The following GLDC variants were observed in gnomAD, a reference collection of about 807,000 sequenced individuals.
GLDC encodes the protein glycine dehydrogenase (decarboxylating), mitochondrial.
In GLDC, 104 loss-of-function variants were observed where a neutral mutation model predicts 121.3. That is an observed-to-expected ratio of 0.86 (90% CI 0.73 to 1.01). The LOEUF (loss-of-function observed/expected upper bound fraction) is 1.01. Among genes scored for constraint, GLDC ranks in the 50% least tolerant of loss-of-function variants. The pLI, the probability that GLDC is intolerant of heterozygous loss-of-function variation, is 0.00. For missense variants in GLDC, 1,429 were observed against 1,306.6 expected (o/e 1.09, Z -1.44); for synonymous variants, 546 against 480.6 (o/e 1.14, Z -1.78).
intron 15 of GLDC, among the ~76,000 whole-genome samples, chr9:6,577,349 G>A (rs538615092): frequency 1.3e-5 from 2 of 152,330 alleles, no homozygotes; most frequent in African/African-American, 2.4e-5. Flanking sequence ...TAGAGGTGCC[G>A]CTAGGGCAGA....
intron 2 of GLDC, among the ~76,000 whole-genome samples, chr9:6,643,707 CA>C (rs1819673942): frequency 1.3e-5 from 2 of 151,912 alleles, no homozygotes; most frequent in Admixed American, 1.3e-4. Context: ...CTTTCTTAAA[CA>C]AATGTAAATC....
At chr9:6,534,279 T>C (rs1817069059) in intron 24 of GLDC, 1 of 192,912 alleles carries the variant, frequency 5.2e-6, no homozygotes, top group Admixed American at 5.3e-5. Flanking sequence ...TATGTTTTTA[T>C]ACTATTACTG....
chr9:6,566,390 G>A (rs2129761957), intron 15 of GLDC: 1 of 152,216 alleles, frequency 6.6e-6, no homozygotes, highest in East Asian at 1.9e-4. Context: ...CACCTATGAG[G>A]TGAAAACAAA....
intron 11 of GLDC, 130 bp downstream of exon 11, chr9:6,592,013 T>C (rs771418069): frequency 8.4e-6 from 6 of 713,096 alleles, no homozygotes; most frequent in Admixed American, 2.0e-5. Flanking sequence ...GGATAGTCAG[T>C]GGAATAATTT....
chr9:6,550,502 G>A (rs982814145), intron 21 of GLDC, among the ~76,000 whole-genome samples: 2 of 151,986 alleles, frequency 1.3e-5, no homozygotes, highest in Admixed American at 6.6e-5. Flanking sequence ...TGGTGCACAC[G>A]TGTAGTCCCA....
chr9:6,581,833 C>G (rs567558652), intron 15 of GLDC, among the ~76,000 whole-genome samples: 1 of 152,108 alleles, frequency 6.6e-6, no homozygotes, highest in Non-Finnish European at 1.5e-5. Flanking sequence ...TTTAGAGTTG[C>G]CTTTGTGCAT....
In GLDC at chr9:6,605,293, AAC is replaced by A; in HGVS notation, c.714-17_714-16del. On this transcript the variant is annotated splice_polypyrimidine_tract_variant and intron_variant, in intron 5 of 24. Transcript: ENST00000321612. ...CTCCAGTATATCTGGAAAGACAGAC[AAC>A]AAAGAACAATCGTGCTTTCGGTTTA... 2 of 1,612,926 alleles carry A rather than the reference AAC, an allele frequency of 1.2e-6. No individual in the cohort carries two copies. The highest frequency in any genetic ancestry group is 1.7e-6 in the Non-Finnish European group (2 of 1,179,100).
intron 15 of GLDC, chr9:6,569,434 A>C (rs1817911295): frequency 6.6e-6 from 1 of 152,160 alleles, no homozygotes; most frequent in Admixed American, 6.6e-5. Context: ...TGGGTGGATC[A>C]CAAGGTCAGG....
chr9:6,561,552 G>C (rs1286507746), intron 16 of GLDC, among the ~76,000 whole-genome samples: 1 of 152,162 alleles, frequency 6.6e-6, no homozygotes, highest in East Asian at 1.9e-4. Flanking sequence ...GGGAGGCTGA[G>C]GCATGAGAAT....
chr9:6,638,104 C>T (rs1294273490), intron 2 of GLDC, among the ~76,000 whole-genome samples: 3 of 152,106 alleles, frequency 2.0e-5, no homozygotes, highest in Non-Finnish European at 4.4e-5. Context: ...CAGGGATGAT[C>T]CCGCAACAAC....
At chr9:6,543,536 G>T (rs1317382533) in intron 21 of GLDC, among the ~76,000 whole-genome samples, 2 of 152,154 alleles carry the variant, frequency 1.3e-5, no homozygotes, top group Non-Finnish European at 2.9e-5. Context: ...ATAGCCAAGA[G>T]GTTTAGGAAG....
At chr9:6,554,959 C>A in intron 18 of GLDC, 178 bp from the exon 19 acceptor site, 2 of 670,650 alleles carry the variant, frequency 3.0e-6, no homozygotes, top group Non-Finnish European at 5.5e-6. Context: ...CACAAACTGG[C>A]ATCCGATAGG....
At chr9:6,585,406 A>G (rs1300642327) in intron 15 of GLDC, among the ~76,000 whole-genome samples, 2 of 152,160 alleles carry the variant, frequency 1.3e-5, no homozygotes, top group Non-Finnish European at 2.9e-5. Flanking sequence ...TGTCTCTTAA[A>G]ACAAAACAAA....
intron 2 of GLDC, among the ~76,000 whole-genome samples, chr9:6,632,925 C>A (rs1265629386): frequency 6.6e-6 from 1 of 152,200 alleles, no homozygotes; most frequent in East Asian, 1.9e-4. Context: ...TCTCAGCAGA[C>A]CCTCCCTGCA....
chr9:6,620,224 G>T lies in GLDC; in HGVS notation c.430C>A (p.Pro144Thr), dbSNP rs1215561178. The T allele has an allele frequency of 1.9e-6, 3 of 1,613,556 alleles. No homozygotes were observed. The highest frequency in any genetic ancestry group is 2.7e-5 in the African/African-American group (2 of 75,006). Residue 144 changes from proline to threonine, a missense_variant, in exon 3 of 25, where the codon CCA becomes ACA. Pro to Thr is a conservative substitution (Grantham distance 38). Coordinates refer to ENST00000321612, the MANE Select transcript of GLDC (RefSeq NM_000170.3). ...IGMGYYNCSV[P>T]QTILRNLLEN... ...AGTAAGTTCCGCAAAATCGTCTGTG[G>T]CACTGAGCAGTTATAATAGCCCATG...
intron 14 of GLDC, 126 bp downstream of exon 14, chr9:6,588,275 G>T (rs1039789107): frequency 1.3e-6 from 1 of 795,744 alleles, no homozygotes; most frequent in Non-Finnish European, 2.3e-6. Context: ...GCAAGGTAAA[G>T]AATTATTAAA....
intron 15 of GLDC, among the ~76,000 whole-genome samples, 190 bp downstream of exon 15, chr9:6,586,951 C>G (rs146159706): frequency 2.6e-5 from 4 of 152,174 alleles, no homozygotes; most frequent in Non-Finnish European, 4.4e-5. Context: ...CACTCCCAGC[C>G]CACAGCTCCT....
At chr9:6,617,200 T>A (rs1818983469) in intron 3 of GLDC, among the ~76,000 whole-genome samples, 1 of 152,158 alleles carries the variant, frequency 6.6e-6, no homozygotes, top group Admixed American at 6.6e-5. Context: ...CTATCAGCGC[T>A]GGTGGGGTGT....
At chr9:6,641,917 G>A (rs1755609) in intron 2 of GLDC, among the ~76,000 whole-genome samples, 44,717 of 152,022 alleles carry the variant, frequency 0.29, 7,094 homozygotes, top group East Asian at 0.51. Flanking sequence ...TTCACATGAA[G>A]CCAAGTTTGA....
Sources: allele counts gnomAD v4.1 joint callset (sites outside exome capture counted in the v4.1 genomes callset), GRCh38; gene constraint gnomAD v4.1.1; transcripts MANE v1.5; gene names NCBI Gene and HGNC (gene_info 2026-07-23, HGNC 2026-07-21).